The following FGF1 variants were observed in gnomAD, a reference collection of about 807,000 sequenced individuals.
FGF1 encodes the protein fibroblast growth factor 1, also known as beta-endothelial cell growth factor.
In FGF1, 9 loss-of-function variants were observed where a neutral mutation model predicts 13.4. The ratio of observed to expected loss-of-function variants is 0.67; its 90% CI spans 0.40 to 1.17. The LOEUF (loss-of-function observed/expected upper bound fraction) is 1.17. FGF1 is among the 50% of genes most tolerant of loss of function. The pLI, the probability that FGF1 is intolerant of heterozygous loss-of-function variation, is 0.01. For synonymous variants in FGF1, 93 were observed against 79.0 expected (o/e 1.18, Z -0.94); for missense variants, 156 against 192.7 (o/e 0.81, Z 1.13).
At chr5:142,601,771 A>G (rs934435269) in intron 2 of FGF1, among the ~76,000 whole-genome samples, 13 of 152,132 alleles carry the variant, frequency 8.5e-5, no homozygotes, top group African/African-American at 2.7e-4. Context: ...GGAAAGGACT[A>G]TGAGTTACAG....
chr5:142,645,384 G>A (rs747333297), intron 1 of FGF1, among the ~76,000 whole-genome samples: 3 of 152,148 alleles, frequency 2.0e-5, no homozygotes, highest in Admixed American at 6.5e-5. Flanking sequence ...TACAGCAGGC[G>A]TGGTGGGAAG....
At chr5:142,668,265 C>T (rs189000719) in intron 1 of FGF1, among the ~76,000 whole-genome samples, 1 of 152,346 alleles carries the variant, frequency 6.6e-6, no homozygotes, top group East Asian at 1.9e-4. Context: ...AATCAATTTG[C>T]ATTCAACATA....
chr5:142,618,334 A>G (rs974544078), intron 1 of FGF1, among the ~76,000 whole-genome samples: 3 of 152,122 alleles, frequency 2.0e-5, no homozygotes, highest in Non-Finnish European at 4.4e-5. Flanking sequence ...TGTGGATAGT[A>G]AGCAACCACT....
At chr5:142,620,636 C>T (rs1761390051) in intron 1 of FGF1, among the ~76,000 whole-genome samples, 1 of 152,068 alleles carries the variant, frequency 6.6e-6, no homozygotes, top group Admixed American at 6.6e-5. Context: ...GACAACTCCG[C>T]AATTATGGTG....
chr5:142,689,640 C>T (rs1751816886), upstream of FGF1, among the ~76,000 whole-genome samples: 1 of 151,590 alleles, frequency 6.6e-6, no homozygotes, highest in Non-Finnish European at 1.5e-5. Flanking sequence ...TGGGTTTCCT[C>T]TCCTCTAATA....
At chr5:142,618,644 C>G (rs1054974634) in intron 1 of FGF1, among the ~76,000 whole-genome samples, 6 of 152,126 alleles carry the variant, frequency 3.9e-5, no homozygotes, top group Admixed American at 3.3e-4. Flanking sequence ...AGCTCCTCCC[C>G]CTGTGCTGTA....
intron 1 of FGF1, among the ~76,000 whole-genome samples, chr5:142,623,131 G>A (rs895495062): frequency 6.6e-6 from 1 of 152,084 alleles, no homozygotes; most frequent in Non-Finnish European, 1.5e-5. Flanking sequence ...TCTGATAGCT[G>A]GTTTACCCAG....
intron 1 of FGF1, among the ~76,000 whole-genome samples, chr5:142,661,682 C>T (rs1769244967): frequency 6.6e-6 from 1 of 152,132 alleles, no homozygotes; most frequent in Non-Finnish European, 1.5e-5. Context: ...GAACCTTGAA[C>T]ACATTATATT....
chr5:142,669,695 T>C (rs1771084588), intron 1 of FGF1, among the ~76,000 whole-genome samples: 1 of 152,166 alleles, frequency 6.6e-6, no homozygotes, highest in African/African-American at 2.4e-5. Flanking sequence ...GAGTCATCCA[T>C]CTGCTGACTG....
chr5:142,612,877 G>A (rs1160005736), intron 2 of FGF1, among the ~76,000 whole-genome samples: 2 of 152,132 alleles, frequency 1.3e-5, no homozygotes, highest in African/African-American at 4.8e-5. Flanking sequence ...CCAGCGAAGT[G>A]GTCATTTGTT....
chr5:142,672,778 T>C (rs1464705844), intron 1 of FGF1, among the ~76,000 whole-genome samples: 1 of 152,190 alleles, frequency 6.6e-6, no homozygotes, highest in Non-Finnish European at 1.5e-5. Flanking sequence ...GTGCTGGGAT[T>C]ACAGATGTGA....
At chr5:142,596,409 A>C (rs1755265185) in intron 3 of FGF1, among the ~76,000 whole-genome samples, 1 of 147,388 alleles carries the variant, frequency 6.8e-6, no homozygotes, top group Non-Finnish European at 1.5e-5. Context: ...ATTTGAGGCC[A>C]GTCTGGGCAA....
chr5:142,641,048 T>G (rs1052766337), intron 1 of FGF1, among the ~76,000 whole-genome samples: 1 of 152,036 alleles, frequency 6.6e-6, no homozygotes, highest in Non-Finnish European at 1.5e-5. Context: ...AGAGTTTTGA[T>G]TGCAGGGAAG....
In FGF1 at chr5:142,618,615, A is replaced by G. The variant is rs149111157; in HGVS notation, c.-34-4454T>C. Among the ~76,000 whole-genome samples the G allele has an allele frequency of 1.5e-3, 224 of 152,298 alleles. 4 individuals carry two copies. The highest frequency in any genetic ancestry group is 0.013 in the Admixed American group (206 of 15,302). On this transcript the variant is annotated intron_variant, in intron 1 of 3. Coordinates refer to ENST00000337706, the MANE Select transcript of FGF1 (RefSeq NM_000800.5). ...GAAAATAGAAGTTTTTCATTCCCAT[A>G]TTTGGCAGAAATTAGCTAAGCTCCT...
chr5:142,595,275 C>A lies in FGF1; in HGVS notation c.*15G>T. Reference sequence around the variant, plus strand: ...GAAACTTCTCTGGAGTGGTCAACACCCAGAACAGATCTCTTTAATCAGAAG... The same window carrying A: ...GAAACTTCTCTGGAGTGGTCAACACACAGAACAGATCTCTTTAATCAGAAG... On this transcript the variant is annotated 3_prime_UTR_variant, in exon 4 of 4. Transcript: ENST00000337706. The A allele has an allele frequency of 1.2e-6, 2 of 1,611,238 alleles. No homozygotes were observed. The highest frequency in any genetic ancestry group is 3.3e-5 in the Admixed American group (2 of 59,842).
chr5:142,597,666 C>G (rs1422232220), intron 3 of FGF1, among the ~76,000 whole-genome samples: 1 of 152,190 alleles, frequency 6.6e-6, no homozygotes, highest in Non-Finnish European at 1.5e-5. Flanking sequence ...AGTCGTGTGA[C>G]CCCTGCAGTC....
chr5:142,667,698 C>T (rs1030385070), intron 1 of FGF1, among the ~76,000 whole-genome samples: 1 of 152,148 alleles, frequency 6.6e-6, no homozygotes, highest in Non-Finnish European at 1.5e-5. Context: ...GGCTGTCCTC[C>T]CACTACCAAA....
intron 1 of FGF1, among the ~76,000 whole-genome samples, chr5:142,617,645 C>T (rs1338751477): frequency 1.3e-5 from 2 of 152,146 alleles, no homozygotes; most frequent in Non-Finnish European, 2.9e-5. Context: ...AACTGAAAAC[C>T]TGAAGGAGAC....
At chr5:142,693,894 C>T (rs879627709) in intron 2 of FGF1, among the ~76,000 whole-genome samples, 4 of 152,228 alleles carry the variant, frequency 2.6e-5, no homozygotes, top group Non-Finnish European at 4.4e-5. Context: ...TGCATGGATA[C>T]ACCACATTTT....
Sources: allele counts gnomAD v4.1 joint callset (sites outside exome capture counted in the v4.1 genomes callset), GRCh38; gene constraint gnomAD v4.1.1; transcripts MANE v1.5; gene names NCBI Gene and HGNC (gene_info 2026-07-23, HGNC 2026-07-21).